ELOVL5: variants seen among roughly 807,000 people sequenced by gnomAD.
ELOVL5 encodes the protein very long chain fatty acid elongase 5.
ELOVL5 carries 8 observed loss-of-function variants against 38.6 expected under a neutral mutation model. That is an observed-to-expected ratio of 0.21 (90% CI 0.12 to 0.37). The LOEUF (loss-of-function observed/expected upper bound fraction) is 0.37. ELOVL5 is among the 10% of genes least tolerant of loss of function. The pLI is 1.00. For synonymous variants in ELOVL5, 127 were observed against 133.7 expected (o/e 0.95, Z 0.34); for missense variants, 280 against 367.8 (o/e 0.76, Z 1.95).
At position 53,287,965 on chromosome 6, in the gene ELOVL5, C is replaced by A. The variant is rs1194831813; in HGVS notation, c.246+3811G>T. ...GGACTGTAACAAACACAATTAGATC[C>A]TCTCTGCTTAGGGTCTAAGAGGTCT... is the stretch of plus-strand genomic sequence containing the variant. On this transcript the variant is annotated intron_variant, in intron 3 of 7. Coordinates refer to ENST00000304434, the MANE Select transcript of ELOVL5 (RefSeq NM_021814.5). 4.7e-5 allele frequency: 72 copies of A among 1,531,756 alleles called. No individual in the cohort carries two copies. The East Asian group carries it at 1.8e-3, about 37-fold the overall frequency. 94.9% of individuals were successfully genotyped at this position (1,531,756 alleles called of 1,614,324 possible). A position where few individuals can be genotyped will look rare whatever the true frequency, so the allele number is the denominator to read the frequency against.
chr6:53,323,707 C>T (rs533182607), intron 1 of ELOVL5, among the ~76,000 whole-genome samples: 90 of 151,738 alleles, frequency 5.9e-4, no homozygotes, highest in African/African-American at 1.1e-3. Flanking sequence ...CTCAGCCTCC[C>T]GAGTAGCTGG....
intron 1 of ELOVL5, among the ~76,000 whole-genome samples, chr6:53,308,888 G>A (rs1376987949): frequency 2.5e-5 from 3 of 118,112 alleles, no homozygotes; most frequent in Non-Finnish European, 5.1e-5. Flanking sequence ...TGCGCAGGTG[G>A]GGCGGGGGGC....
At chr6:53,322,889 T>G (rs1004797640) in intron 1 of ELOVL5, among the ~76,000 whole-genome samples, 1 of 152,238 alleles carries the variant, frequency 6.6e-6, no homozygotes, top group African/African-American at 2.4e-5. Flanking sequence ...GAAACCATAA[T>G]ATTCTTCCTT....
In ELOVL5 at chr6:53,273,364, T is replaced by G; in HGVS notation, c.497-20A>C. 6.2e-7 allele frequency: 1 copy of G among 1,612,284 alleles called. No individual in the cohort carries two copies. The highest frequency in any genetic ancestry group is 1.1e-5 in the South Asian group (1 of 90,986). On this transcript the variant is annotated intron_variant, in intron 5 of 7. Coordinates refer to ENST00000304434, the MANE Select transcript of ELOVL5 (RefSeq NM_021814.5). ...AATAAGCTGCAGGAACAGAGGGATTTGGGAAGGAGAATGTATTAGTGTTTT... is the reference window on the plus strand; with the variant it reads ...AATAAGCTGCAGGAACAGAGGGATTGGGGAAGGAGAATGTATTAGTGTTTT...
At chr6:53,312,589 C>T (rs1403737801) in intron 1 of ELOVL5, among the ~76,000 whole-genome samples, 1 of 152,124 alleles carries the variant, frequency 6.6e-6, no homozygotes, top group Non-Finnish European at 1.5e-5. Context: ...GTATCTGGAC[C>T]GTACTAATGT....
intron 1 of ELOVL5, among the ~76,000 whole-genome samples, chr6:53,327,013 G>C (rs1581984586): frequency 6.6e-6 from 1 of 152,188 alleles, no homozygotes; most frequent in Non-Finnish European, 1.5e-5. Flanking sequence ...AAACAGATGA[G>C]ATGACCCTAC....
chr6:53,329,409 A>G (rs1418111261), intron 1 of ELOVL5, among the ~76,000 whole-genome samples: 1 of 152,228 alleles, frequency 6.6e-6, no homozygotes, highest in Non-Finnish European at 1.5e-5. Context: ...GTAAATACTA[A>G]TAGATATAAT....
intron 3 of ELOVL5, among the ~76,000 whole-genome samples, chr6:53,289,271 G>A (rs1016741970): frequency 1.3e-5 from 2 of 152,238 alleles, no homozygotes; most frequent in Admixed American, 6.5e-5. Context: ...CATTACAGGT[G>A]TGTGACCACA....
intron 3 of ELOVL5, among the ~76,000 whole-genome samples, chr6:53,286,035 T>C (rs533844456): frequency 1.2e-3 from 185 of 152,344 alleles, no homozygotes; most frequent in African/African-American, 4.3e-3. Context: ...ACTTACTTTA[T>C]TGCAATACTC....
intron 1 of ELOVL5, among the ~76,000 whole-genome samples, chr6:53,328,951 CT>C (rs1768667331): frequency 6.6e-6 from 1 of 152,132 alleles, no homozygotes; most frequent in East Asian, 1.9e-4. Flanking sequence ...ACTGTCCTGT[CT>C]ACAAAAAGTA....
At chr6:53,342,780 C>G (rs931819141) in intron 1 of ELOVL5, among the ~76,000 whole-genome samples, 2 of 152,164 alleles carry the variant, frequency 1.3e-5, no homozygotes, top group East Asian at 3.8e-4. Flanking sequence ...AAAGTCCAAT[C>G]TAATAATAAG....
Position 53,269,244 on chromosome 6 carries a change from T to G in ELOVL5, c.783A>C (p.Arg261=). ...GGTGGTCCTTCAGGTGGTCTTTCCT[T>G]CGGGAGGCCCCTTTCTTGTTGTAGG... ...IQTYNKKGAS[R]RKDHLKDHQN... Residue 261 remains arginine (R), a synonymous_variant, in exon 8 of 8, where the codon CGA becomes CGC. Transcript: ENST00000304434. 6.2e-7 allele frequency: 1 copy of G among 1,612,204 alleles called. No individual in the cohort carries two copies. The highest frequency in any genetic ancestry group is 1.1e-5 in the South Asian group (1 of 90,718).
rs571863397 is a variant in ELOVL5 at position 53,310,845 on chromosome 6, C to G, written c.-8-15138G>C. Among the ~76,000 whole-genome samples, 10 of 152,296 alleles carry G rather than the reference C, an allele frequency of 6.6e-5. No homozygotes were observed. The East Asian group carries it at 1.9e-3, about 29-fold the overall frequency. The stretch of plus-strand genomic sequence containing the variant: ...TACCTACTAAAAAGAAAACCACAAA[C>G]CCCTCCAGACTTTATCTCACAATAC... On this transcript the variant is annotated intron_variant, in intron 1 of 7. Transcript: ENST00000304434.
chr6:53,304,889 A>G (rs1236990314), intron 1 of ELOVL5, among the ~76,000 whole-genome samples: 1 of 152,132 alleles, frequency 6.6e-6, no homozygotes, highest in Non-Finnish European at 1.5e-5. Context: ...CCCCTTTTCT[A>G]TTCCACAAAA....
chr6:53,269,177 A>C lies in ELOVL5; in HGVS notation c.850T>G (p.Phe284Val), dbSNP rs1414734722. Residue 284 changes from phenylalanine (F) to valine (V), a missense_variant, in exon 8 of 8, where the codon TTT becomes GTT. Phe to Val is a conservative substitution (Grantham distance 50). This residue lies in a region of ELOVL5 where 125 missense variants were observed against 158.9 expected (regional missense o/e 0.79). Coordinates refer to ENST00000304434, the MANE Select transcript of ELOVL5 (RefSeq NM_021814.5). ...MAAVNGHTNS[F>V]SPLENNVKPR... is the part of the protein sequence containing the mutation. ...TTCACATTGTTTTCCAGGGGTGAAA[A>C]GCTGTTGGTGTGTCCATTCACAGCA... 6.2e-7 allele frequency: 1 copy of C among 1,613,902 alleles called. No individual in the cohort carries two copies. The highest frequency in any genetic ancestry group is 8.5e-7 in the Non-Finnish European group (1 of 1,179,908).
chr6:53,309,355 C>T (rs1406420252), intron 1 of ELOVL5, among the ~76,000 whole-genome samples: 2 of 152,140 alleles, frequency 1.3e-5, no homozygotes, highest in Non-Finnish European at 2.9e-5. Context: ...TCCATACATT[C>T]CTTGGAAGGA....
intron 1 of ELOVL5, among the ~76,000 whole-genome samples, chr6:53,305,931 C>G (rs1353625492): frequency 2.0e-5 from 3 of 152,008 alleles, no homozygotes; most frequent in African/African-American, 4.8e-5. Context: ...ACTGAGTTAA[C>G]GAGACTCCGT....
intron 4 of ELOVL5, among the ~76,000 whole-genome samples, chr6:53,275,675 G>A (rs1281860991): frequency 4.6e-5 from 7 of 152,210 alleles, no homozygotes; most frequent in Non-Finnish European, 1.0e-4. Context: ...GACCTGATAA[G>A]TGACACAGAA....
chr6:53,305,510 C>A (rs1317119223), intron 1 of ELOVL5, among the ~76,000 whole-genome samples: 1 of 149,618 alleles, frequency 6.7e-6, no homozygotes, highest in Admixed American at 6.6e-5. Flanking sequence ...CGGAGGGTCT[C>A]CTCACTTCTC....
Sources: gnomAD v4.1 joint callset for allele counts (sites outside exome capture counted in the v4.1 genomes callset) on GRCh38, gnomAD v4.1.1 for gene constraint, gnomAD v4.1.1 regional missense constraint, MANE v1.5 for transcripts, NCBI Gene and HGNC (gene_info 2026-07-23, HGNC 2026-07-21) for gene names.